MMP16: variants seen among roughly 807,000 people sequenced by gnomAD.
MMP16 encodes matrix metalloproteinase-16.
In MMP16, 12 loss-of-function variants were observed where a neutral mutation model predicts 67.8. The ratio of observed to expected loss-of-function variants is 0.18; its 90% CI spans 0.11 to 0.29. The LOEUF (loss-of-function observed/expected upper bound fraction) is 0.29. Ranked by LOEUF, MMP16 falls within the 10% of genes least tolerant of loss-of-function variation. The pLI, the probability that MMP16 is intolerant of heterozygous loss-of-function variation, is 1.00. For synonymous variants in MMP16, 249 were observed against 255.9 expected, an observed-to-expected ratio of 0.97 and a Z score of 0.26; for missense variants, 475 against 765.7, an observed-to-expected ratio of 0.62 and a Z score of 4.48.
chr8:88,289,717 C>T (rs1436358559), intron 1 of MMP16, among the ~76,000 whole-genome samples: 5 of 151,580 alleles, frequency 3.3e-5, no homozygotes, highest in African/African-American at 1.2e-4. Flanking sequence ...CACACACACA[C>T]ACACACACAC....
intron 6 of MMP16, among the ~76,000 whole-genome samples, chr8:88,105,775 TAAAG>T (rs1234841706): frequency 6.6e-6 from 1 of 151,324 alleles, no homozygotes; most frequent in East Asian, 1.9e-4. Context: ...AAAGAAAGAT[TAAAG>T]ACACAGATGC....
At chr8:88,053,989 T>C (rs1808301320) in intron 8 of MMP16, among the ~76,000 whole-genome samples, 2 of 152,186 alleles carry the variant, frequency 1.3e-5, no homozygotes, top group African/African-American at 4.8e-5. Flanking sequence ...TTTTCTATAG[T>C]CTTTATTCTT....
intron 6 of MMP16, among the ~76,000 whole-genome samples, chr8:88,112,980 G>A (rs1809363472): frequency 6.6e-6 from 1 of 151,618 alleles, no homozygotes; most frequent in Non-Finnish European, 1.5e-5. Flanking sequence ...AAATCTTTGG[G>A]CAAGGAATAA....
At chr8:88,270,488 T>C (rs1218772140) in intron 1 of MMP16, among the ~76,000 whole-genome samples, 1 of 152,212 alleles carries the variant, frequency 6.6e-6, no homozygotes, top group African/African-American at 2.4e-5. Context: ...AGTCAATGTA[T>C]AGTTTACAAA....
At position 88,186,581 on chromosome 8, in the gene MMP16, C is replaced by T. The variant is rs145712283; in HGVS notation, c.299G>A (p.Arg100Gln). ...RNTIDWMKKP[R>Q]CGVPDQTRGS... is the part of the protein sequence containing the mutation. ...TCTTGTCTGGTCAGGTACACCGCAT[C>T]GGGGCTTCTTCATCCAGCTGCAAAA... The change falls in exon 3 of 10, where the codon CGA becomes CAA. Residue 100 changes from arginine (R) to glutamine (Q), a missense_variant. Physicochemically the swap from Arg to Gln is conservative, Grantham distance 43. Coordinates refer to ENST00000286614, the MANE Select transcript of MMP16 (RefSeq NM_005941.5). 6.1e-6 allele frequency: 7 copies of T among 1,148,386 alleles called. No individual in the cohort carries two copies. The highest frequency in any genetic ancestry group is 1.9e-5 in the African/African-American group (1 of 52,782). 71.1% of individuals were successfully genotyped at this position (1,148,386 alleles called of 1,614,324 possible).
intron 3 of MMP16, among the ~76,000 whole-genome samples, chr8:88,170,019 G>C (rs763214468): frequency 3.3e-5 from 5 of 152,174 alleles, no homozygotes; most frequent in Non-Finnish European, 7.4e-5. Context: ...CAAAAATCCA[G>C]GTGAGAGATG....
intron 3 of MMP16, among the ~76,000 whole-genome samples, chr8:88,179,174 A>G (rs1161321385): frequency 2.6e-5 from 4 of 152,024 alleles, no homozygotes; most frequent in Non-Finnish European, 5.9e-5. Context: ...GCAGAAAACA[A>G]AAGACAAAAA....
At chr8:88,208,525 C>A (rs1809463670) in intron 1 of MMP16, among the ~76,000 whole-genome samples, 1 of 152,086 alleles carries the variant, frequency 6.6e-6, no homozygotes, top group Non-Finnish European at 1.5e-5. Context: ...GTCTACCTGG[C>A]CCCAAACACA....
At chr8:88,043,035 T>G (rs762985635) in intron 9 of MMP16, among the ~76,000 whole-genome samples, 1 of 152,230 alleles carries the variant, frequency 6.6e-6, no homozygotes, top group Non-Finnish European at 1.5e-5. Flanking sequence ...GAAGGTAATA[T>G]TTTTTCCTGT....
intron 6 of MMP16, among the ~76,000 whole-genome samples, chr8:88,079,504 A>C (rs536034631): frequency 2.6e-5 from 4 of 152,238 alleles, no homozygotes; most frequent in Non-Finnish European, 5.9e-5. Context: ...CATATCCTCC[A>C]TGGGTAAGAG....
chr8:88,170,058 T>C (rs902089171), intron 3 of MMP16, among the ~76,000 whole-genome samples: 6 of 152,102 alleles, frequency 3.9e-5, no homozygotes, highest in African/African-American at 1.4e-4. Flanking sequence ...TTGGTACCAG[T>C]AGAGATTTTG....
intron 4 of MMP16, among the ~76,000 whole-genome samples, chr8:88,151,634 A>G (rs1180944544): frequency 2.7e-5 from 4 of 145,640 alleles, no homozygotes; most frequent in African/African-American, 1.0e-4. Flanking sequence ...AACGAAATGA[A>G]GGCAGAAATA....
At chr8:88,306,929 GC>G (rs1563590838) in intron 1 of MMP16, among the ~76,000 whole-genome samples, 1 of 152,118 alleles carries the variant, frequency 6.6e-6, no homozygotes, top group African/African-American at 2.4e-5. Context: ...TCTGGCCAGG[GC>G]AATCAGGCAA....
chr8:88,290,056 T>G (rs1437178733), intron 1 of MMP16, among the ~76,000 whole-genome samples: 1 of 152,050 alleles, frequency 6.6e-6, no homozygotes, highest in Non-Finnish European at 1.5e-5. Context: ...TCTGTGCATA[T>G]CCATAAATGA....
intron 3 of MMP16, among the ~76,000 whole-genome samples, chr8:88,174,244 T>C (rs1023666801): frequency 2.0e-5 from 3 of 152,220 alleles, no homozygotes; most frequent in Non-Finnish European, 1.5e-5. Context: ...CTCATATTCA[T>C]CTGGCAATTT....
At chr8:88,115,056 TTAGA>T (rs1011379289) in intron 6 of MMP16, among the ~76,000 whole-genome samples, 21 of 152,112 alleles carry the variant, frequency 1.4e-4, no homozygotes, top group African/African-American at 4.8e-4. Flanking sequence ...AGCAACCTAC[TTAGA>T]TAGACAGGAA....
intron 3 of MMP16, among the ~76,000 whole-genome samples, chr8:88,169,399 T>C (rs1310410945): frequency 1.3e-5 from 2 of 152,146 alleles, no homozygotes; most frequent in Admixed American, 1.3e-4. Context: ...AGTAACTCAA[T>C]GAGATGGGTA....
rs138322549 is a variant in MMP16 at position 88,164,364 on chromosome 8, T to C, written c.709+3305A>G. ...AGATTTGTGCCATGCATATTTGTGA[T>C]ACAAAAATAGTTTCACACATAGTTA... On this transcript the variant is annotated intron_variant, in intron 4 of 9. Coordinates refer to ENST00000286614, the MANE Select transcript of MMP16 (RefSeq NM_005941.5). Among the ~76,000 whole-genome samples the C allele has an allele frequency of 7.8e-4, 119 of 152,118 alleles. 1 individual carries two copies. Among genetic ancestry groups the C allele is most frequent in the African/African-American group, 2.4e-3 (99 of 41,518 alleles).
chr8:88,319,405 T>C (rs1309250386), intron 1 of MMP16, among the ~76,000 whole-genome samples: 1 of 151,996 alleles, frequency 6.6e-6, no homozygotes, highest in African/African-American at 2.4e-5. Context: ...CCTGGGGTCC[T>C]GCAAAGTAAC....
Sources: allele counts gnomAD v4.1 joint callset (sites outside exome capture counted in the v4.1 genomes callset), GRCh38; gene constraint gnomAD v4.1.1; transcripts MANE v1.5; gene names NCBI Gene and HGNC (gene_info 2026-07-23, HGNC 2026-07-21).